Variants in CREBBP observed in about 807,000 individuals in gnomAD.
CREBBP encodes the protein CREB-binding protein.
In CREBBP, 19 loss-of-function variants were observed where a neutral mutation model predicts 265.0. That is an observed-to-expected ratio of 0.07 (90% confidence interval 0.05 to 0.11). The LOEUF is 0.11. Ranked by LOEUF, CREBBP falls within the 10% of genes least tolerant of loss-of-function variation. CREBBP has a pLI of 1.00. For missense variants in CREBBP, 2,525 were observed against 3,219.0 expected (o/e 0.78, Z 5.22); for synonymous variants, 1,457 against 1,223.7 (o/e 1.19, Z -3.98).
At chr16:3,838,543 T>C (rs2054502374) in intron 2 of CREBBP, among the ~76,000 whole-genome samples, 1 of 152,126 alleles carries the variant, frequency 6.6e-6, no homozygotes, top group Non-Finnish European at 1.5e-5. Flanking sequence ...AAAAGTTAAC[T>C]GGAAATACTA....
At position 3,728,057 on chromosome 16, in the gene CREBBP, G is replaced by T. The variant is rs1483103863; in HGVS notation, c.6990C>A (p.Leu2330=). 1 of 1,613,436 alleles carries T rather than the reference G, an allele frequency of 6.2e-7. No homozygotes were observed. The highest frequency in any genetic ancestry group is 8.5e-7 in the Non-Finnish European group (1 of 1,179,514). The change falls in exon 31 of 31, where the codon CTC becomes CTA. Residue 2330 remains leucine, a synonymous_variant. Coordinates refer to ENST00000262367, the MANE Select transcript of CREBBP (RefSeq NM_004380.3). This position sits in a 1 kb window ranked among gnomAD's most constrained non-coding sequence, Gnocchi z 8.7. The part of the protein sequence containing the change: ...MLSGQPQASH[L]PGQQIATSLS... ...GGGACGTGGCGATCTGCTGGCCAGG[G>T]AGATGCGAGGCCTGTGGCTGTCCTG...
chr16:3,820,692 C>A (rs1250959399), intron 2 of CREBBP, among the ~76,000 whole-genome samples: 1 of 152,164 alleles, frequency 6.6e-6, no homozygotes, highest in Admixed American at 6.5e-5. Context: ...AGCAAAACCC[C>A]CTTCTCTACA....
intron 2 of CREBBP, among the ~76,000 whole-genome samples, chr16:3,823,544 A>G (rs957699779): frequency 2.6e-5 from 4 of 152,220 alleles, no homozygotes; most frequent in Admixed American, 2.0e-4. Context: ...AGAAACAAAC[A>G]AGGTCGACAC....
At chr16:3,804,268 T>C (rs543798108) in intron 3 of CREBBP, among the ~76,000 whole-genome samples, 1 of 152,232 alleles carries the variant, frequency 6.6e-6, no homozygotes, top group Non-Finnish European at 1.5e-5. Flanking sequence ...TAGAATACTC[T>C]TCTTGAATAC....
chr16:3,773,740 G>A lies in CREBBP; in HGVS notation c.2463+11C>T, dbSNP rs1047416046. 2 of 1,613,446 alleles carry A rather than the reference G, an allele frequency of 1.2e-6. No homozygotes were observed. The highest frequency in any genetic ancestry group is 1.7e-6 in the Non-Finnish European group (2 of 1,179,618). On this transcript the variant is annotated intron_variant, in intron 13 of 30. Transcript: ENST00000262367. ...TTCCTAGGGAGCCACGGTCCCAGTG[G>A]GGCACAGTACCTGTGACACGCCTGT...
intron 2 of CREBBP, among the ~76,000 whole-genome samples, chr16:3,842,362 G>T (rs1480949224): frequency 6.6e-6 from 1 of 152,140 alleles, no homozygotes; most frequent in African/African-American, 2.4e-5. Flanking sequence ...CCGTAGCCAG[G>T]AAAGAGAGTG....
intron 20 of CREBBP, among the ~76,000 whole-genome samples, 177 bp downstream of exon 20, chr16:3,751,549 G>A (rs2052474075): frequency 6.6e-6 from 1 of 152,192 alleles, no homozygotes; most frequent in Non-Finnish European, 1.5e-5. Flanking sequence ...TCGAGATAGT[G>A]CCACTGCACA....
chr16:3,755,520 T>A (rs981394787), intron 19 of CREBBP, among the ~76,000 whole-genome samples: 2 of 152,200 alleles, frequency 1.3e-5, no homozygotes, highest in African/African-American at 4.8e-5. Context: ...ATTTCATCAT[T>A]GAGGACCTGA....
chr16:3,867,859 G>A (rs2055209663), intron 1 of CREBBP, among the ~76,000 whole-genome samples: 1 of 151,990 alleles, frequency 6.6e-6, no homozygotes, highest in South Asian at 2.1e-4. Context: ...CCAGAAGGTG[G>A]ACATTGCAGT....
At chr16:3,745,451 G>A (rs1423161610) in intron 21 of CREBBP, 97 bp from the exon 22 acceptor site, 12 of 1,121,502 alleles carry the variant, frequency 1.1e-5, no homozygotes, top group Non-Finnish European at 1.5e-5. Context: ...TTGTTCTCTG[G>A]GTTACTTTGA....
chr16:3,751,582 A>C (rs928759429), intron 20 of CREBBP, 144 bp downstream of exon 20: 1 of 775,424 alleles, frequency 1.3e-6, no homozygotes, highest in African/African-American at 1.7e-5. Context: ...CAGAATGAGA[A>C]CCTGTCTCAA....
intron 16 of CREBBP, among the ~76,000 whole-genome samples, chr16:3,759,908 A>AT (rs1433688081): frequency 6.6e-6 from 1 of 152,144 alleles, no homozygotes; most frequent in Non-Finnish European, 1.5e-5. Context: ...CTCAACAAGT[A>AT]TGGGAACAGG....
At chr16:3,857,532 T>C (rs2054988458) in intron 1 of CREBBP, among the ~76,000 whole-genome samples, 1 of 152,200 alleles carries the variant, frequency 6.6e-6, no homozygotes, top group African/African-American at 2.4e-5. Context: ...AGCTTTGCTT[T>C]CTACACACCA....
intron 16 of CREBBP, chr16:3,761,668 C>T (rs2052721337): frequency 2.0e-6 from 1 of 493,770 alleles, no homozygotes; most frequent in Non-Finnish European, 4.0e-6. Flanking sequence ...CAGGTAAAAA[C>T]CCCGACGCAG....
intron 3 of CREBBP, among the ~76,000 whole-genome samples, chr16:3,796,149 A>G (rs1172587379): frequency 1.2e-4 from 18 of 152,352 alleles, no homozygotes; most frequent in African/African-American, 3.8e-4. Flanking sequence ...AAAAAATTAT[A>G]TAAAAATTAG....
At chr16:3,784,638 AC>A (rs2053346145) in intron 5 of CREBBP, 1 of 152,256 alleles carries the variant, frequency 6.6e-6, no homozygotes, top group Non-Finnish European at 1.5e-5. Context: ...TATTTAACAC[AC>A]ATGGTGATGG....
At chr16:3,834,647 A>G (rs1223384428) in intron 2 of CREBBP, among the ~76,000 whole-genome samples, 1 of 152,200 alleles carries the variant, frequency 6.6e-6, no homozygotes. Context: ...TACAACACCA[A>G]GAGTGAACCC....
At chr16:3,749,071 C>G (rs996360387) in intron 21 of CREBBP, among the ~76,000 whole-genome samples, 2 of 152,098 alleles carry the variant, frequency 1.3e-5, no homozygotes, top group African/African-American at 4.8e-5. Context: ...GGCGTGAACC[C>G]GGGAGGCGGA....
chr16:3,785,375 C>T (rs1384776286), intron 5 of CREBBP, among the ~76,000 whole-genome samples: 1 of 152,230 alleles, frequency 6.6e-6, no homozygotes, highest in Non-Finnish European at 1.5e-5. Context: ...CTCTGCATTC[C>T]CTGAGCCTAG....
Sources: gnomAD v4.1 joint callset for allele counts (sites outside exome capture counted in the v4.1 genomes callset) on GRCh38, gnomAD v4.1.1 for gene constraint, Gnocchi (gnomAD v3.1) non-coding constraint, MANE v1.5 for transcripts, NCBI Gene and HGNC (gene_info 2026-07-23, HGNC 2026-07-21) for gene names.